The following PCDHGB2 variants were observed in gnomAD, a reference collection of about 807,000 sequenced individuals.
PCDHGB2 encodes the protein protocadherin gamma-B2.
In PCDHGB2, 55 loss-of-function variants were observed where a neutral mutation model predicts 59.3. The ratio of observed to expected loss-of-function variants is 0.93; its 90% CI spans 0.75 to 1.16. The LOEUF is 1.16. Ranked by LOEUF, PCDHGB2 falls within the 50% of genes most tolerant of loss-of-function variation. The pLI is 0.00. For missense variants in PCDHGB2, 1,228 were observed against 1,198.5 expected (o/e 1.02, Z -0.36); for synonymous variants, 516 against 512.0 (o/e 1.01, Z -0.11).
Position 141,476,855 on chromosome 5 carries a change from T to C in PCDHGB2, c.2422-17952T>C, listed in dbSNP as rs149491772. The C allele has an allele frequency of 3.2e-4, 519 of 1,613,836 alleles. 3 individuals carry two copies. The African/African-American group carries it at 6.2e-3, about 19-fold the overall frequency. Reference sequence around the variant, plus strand: ...TGACAATGCGCCTGTCTTCAACCAGTCCTTGTACCGGGCGCGCGTCCTGGA... The same window carrying C: ...TGACAATGCGCCTGTCTTCAACCAGCCCTTGTACCGGGCGCGCGTCCTGGA... On this transcript the variant is annotated intron_variant, in intron 1 of 3. Coordinates refer to ENST00000522605, the MANE Select transcript of PCDHGB2 (RefSeq NM_018923.3). This position sits in a 1 kb window ranked among gnomAD's most constrained non-coding sequence, Gnocchi z 7.6.
chr5:141,455,905 T>TTATG (rs2098836561), intron 1 of PCDHGB2, among the ~76,000 whole-genome samples: 1 of 148,340 alleles, frequency 6.7e-6, no homozygotes, highest in Admixed American at 6.7e-5. Flanking sequence ...ATTTATTTAT[T>TTATG]TATTTATTTT....
intron 1 of PCDHGB2, chr5:141,389,438 C>T (rs781427097): frequency 6.2e-7 from 1 of 1,610,592 alleles, no homozygotes; most frequent in South Asian, 1.1e-5. Flanking sequence ...AGCGCGCCTT[C>T]GACCACGAGC....
rs2099884159 is a variant in PCDHGB2 at position 141,512,278 on chromosome 5, G to A, written c.*1105G>A. 6.5e-6 allele frequency: 1 copy of A among 152,812 alleles called. No homozygotes were observed. Among genetic ancestry groups the A allele is most frequent in the Non-Finnish European group, 1.5e-5 (1 of 68,170 alleles). 9.5% of individuals were successfully genotyped at this position (152,812 alleles called of 1,614,324 possible). A position where few individuals can be genotyped will look rare whatever the true frequency, so the allele number is the denominator to read the frequency against. ...TGCTGGGTACTCCAGAGGTGCCACT[G>A]GTGGAAGGGTCAGCGGAGCCCCAGC... On this transcript the variant is annotated 3_prime_UTR_variant, in exon 4 of 4. Coordinates refer to ENST00000522605, the MANE Select transcript of PCDHGB2 (RefSeq NM_018923.3).
chr5:141,366,221 G>C lies in PCDHGB2; in HGVS notation c.2421+3665G>C, dbSNP rs774963460. 7 of 1,613,716 alleles carry C rather than the reference G, an allele frequency of 4.3e-6. No individual in the cohort carries two copies. The East Asian group carries it at 1.6e-4, about 36-fold the overall frequency. ...CACGGGCGAGGTGCGCACAGCGCGA[G>C]CCCTGCTGGACAGAGACGCGCTCAA... On this transcript the variant is annotated intron_variant, in intron 1 of 3. Coordinates refer to ENST00000522605, the MANE Select transcript of PCDHGB2 (RefSeq NM_018923.3).
intron 1 of PCDHGB2, chr5:141,374,267 C>A: frequency 6.2e-7 from 1 of 1,614,008 alleles, no homozygotes; most frequent in Non-Finnish European, 8.5e-7. Flanking sequence ...GTTGGCGGAG[C>A]ACGGAGTCCG....
intron 1 of PCDHGB2, chr5:141,365,023 G>C (rs775697621): frequency 6.8e-6 from 11 of 1,613,854 alleles, no homozygotes; most frequent in Non-Finnish European, 9.3e-6. Context: ...TCCGTGTTAC[G>C]GTCCTCGACG....
chr5:141,376,015 G>A, intron 1 of PCDHGB2: 7 of 1,613,364 alleles, frequency 4.3e-6, no homozygotes, highest in Non-Finnish European at 5.9e-6. Context: ...GCCTAGTGGT[G>A]GCCGTCCAGG....
In PCDHGB2 at chr5:141,485,520, T is replaced by G. The variant is rs2099615008; in HGVS notation, c.2422-9287T>G. On this transcript the variant is annotated intron_variant, in intron 1 of 3. Transcript: ENST00000522605. This position sits in a 1 kb window ranked among gnomAD's most constrained non-coding sequence, Gnocchi z 5.7. ...TTTGTCACCGAAGGTCCTTTGGAAA[T>G]GTACCGAGCAGAGGTAGAGATCGTA... 1 of 1,614,108 alleles carries G rather than the reference T, an allele frequency of 6.2e-7. No homozygotes were observed. The highest frequency in any genetic ancestry group is 8.5e-7 in the Non-Finnish European group (1 of 1,180,012).
At position 141,485,060 on chromosome 5, in the gene PCDHGB2, G is replaced by A. The variant is rs191055161; in HGVS notation, c.2422-9747G>A. 155 of 862,304 alleles carry A rather than the reference G, an allele frequency of 1.8e-4. No individual in the cohort carries two copies. The African/African-American group carries it at 2.3e-3, about 13-fold the overall frequency. 53.4% of individuals were successfully genotyped at this position (862,304 alleles called of 1,614,324 possible). ...ACCCTTGCGGCGCCGGCCGAACCGCGCCAGAGCTGGCGCGGGGAAAGGGAG... is the reference window on the plus strand; with the variant it reads ...ACCCTTGCGGCGCCGGCCGAACCGCACCAGAGCTGGCGCGGGGAAAGGGAG... On this transcript the variant is annotated intron_variant, in intron 1 of 3. Transcript: ENST00000522605. This position sits in a 1 kb window ranked among gnomAD's most constrained non-coding sequence, Gnocchi z 5.7.
In PCDHGB2 at chr5:141,485,944, G is replaced by A; in HGVS notation, c.2422-8863G>A. 1.2e-6 allele frequency: 2 copies of A among 1,614,116 alleles called. No homozygotes were observed. The highest frequency in any genetic ancestry group is 1.7e-6 in the Non-Finnish European group (2 of 1,180,020). ...TTAGTGTGTTGGAGAGCGCACCAGC[G>A]GGCATGGTGCTCATCCAGCTCAATG... On this transcript the variant is annotated intron_variant, in intron 1 of 3. Coordinates refer to ENST00000522605, the MANE Select transcript of PCDHGB2 (RefSeq NM_018923.3). This position sits in a 1 kb window ranked among gnomAD's most constrained non-coding sequence, Gnocchi z 5.7.
intron 1 of PCDHGB2, chr5:141,409,193 TGTAAA>T (rs2095239502): frequency 1.2e-6 from 2 of 1,613,988 alleles, no homozygotes; most frequent in African/African-American, 1.3e-5. Context: ...CTCTACCCAG[TGTAAA>T]GTAATCATAG....
rs572603287 is a variant in PCDHGB2 at position 141,477,037 on chromosome 5, G to T, written c.2422-17770G>T. 19 of 1,614,266 alleles carry T rather than the reference G, an allele frequency of 1.2e-5. No homozygotes were observed. In the East Asian group the frequency reaches 3.8e-4, roughly 32 times the overall value. Reference sequence around the variant, plus strand: ...TTGTAACCGGGATGCTGACAATCAAGGGTCGGCTGGACTTCGAGGACACCA... The same window carrying T: ...TTGTAACCGGGATGCTGACAATCAATGGTCGGCTGGACTTCGAGGACACCA... On this transcript the variant is annotated intron_variant, in intron 1 of 3. Transcript: ENST00000522605. The surrounding 1 kb of genome is among the most constrained non-coding windows in gnomAD (Gnocchi z 4.9).
chr5:141,433,359 C>CTATCTATCTATA, intron 1 of PCDHGB2: 1 of 228,708 alleles, frequency 4.4e-6, no homozygotes, highest in South Asian at 4.1e-5. Context: ...TACTGTCTGC[C>CTATCTATCTATA]TATCTATCTA....
chr5:141,374,565 A>C, intron 1 of PCDHGB2: 1 of 1,613,688 alleles, frequency 6.2e-7, no homozygotes, highest in Non-Finnish European at 8.5e-7. Context: ...TATGACCCTG[A>C]TGTGGGAATG....
chr5:141,445,311 G>A (rs2098463310), intron 1 of PCDHGB2, among the ~76,000 whole-genome samples: 1 of 152,150 alleles, frequency 6.6e-6, no homozygotes, highest in East Asian at 1.9e-4. Flanking sequence ...CAGTTTGTAG[G>A]TTGAGAGAAC....
At chr5:141,399,048 G>C (rs779434482) in intron 1 of PCDHGB2, 7 of 1,613,830 alleles carry the variant, frequency 4.3e-6, no homozygotes, top group Non-Finnish European at 5.1e-6. Flanking sequence ...ATTTTGAAGA[G>C]ACCAAGGAAT....
chr5:141,488,158 G>A (rs534297140), intron 1 of PCDHGB2, among the ~76,000 whole-genome samples: 4 of 152,328 alleles, frequency 2.6e-5, no homozygotes, highest in South Asian at 2.1e-4. Context: ...AGAGAGGCAC[G>A]CATCAGAGTG....
chr5:141,375,743 G>C, intron 1 of PCDHGB2: 2 of 1,614,238 alleles, frequency 1.2e-6, no homozygotes, highest in East Asian at 2.2e-5. Flanking sequence ...GTTTGTGCTG[G>C]ACCAGAATGA....
intron 1 of PCDHGB2, chr5:141,422,633 G>C: frequency 6.2e-7 from 1 of 1,613,120 alleles, no homozygotes; most frequent in Non-Finnish European, 8.5e-7. Context: ...AACCCCAGGG[G>C]TGCCTCCATC....
Sources: gnomAD v4.1 joint callset for allele counts (sites outside exome capture counted in the v4.1 genomes callset) on GRCh38, gnomAD v4.1.1 for gene constraint, Gnocchi (gnomAD v3.1) non-coding constraint, MANE v1.5 for transcripts, NCBI Gene and HGNC (gene_info 2026-07-23, HGNC 2026-07-21) for gene names.